Variants in CD2AP observed in about 807,000 individuals in gnomAD.
The protein encoded by CD2AP is CD2 associated protein.
In CD2AP, 46 loss-of-function variants were observed where a neutral mutation model predicts 85.1. That is an observed-to-expected ratio of 0.54 (90% CI 0.43 to 0.69). The LOEUF is 0.69. Among genes scored for constraint, CD2AP ranks in the 30% least tolerant of loss-of-function variants. The probability of loss-of-function intolerance (pLI) is 0.00; values close to 1 mark genes in which losing one functional copy is unlikely to be tolerated. For missense variants in CD2AP, 769 were observed against 729.5 expected, an observed-to-expected ratio of 1.05 and a Z score of -0.62; for synonymous variants, 255 against 252.9, an observed-to-expected ratio of 1.01 and a Z score of -0.08.
chr6:47,532,371 A>G (rs1582523141), intron 2 of CD2AP, among the ~76,000 whole-genome samples: 1 of 134,618 alleles, frequency 7.4e-6, no homozygotes, highest in Admixed American at 7.6e-5. Context: ...ATATATATAT[A>G]TGTATACACA....
intron 17 of CD2AP, among the ~76,000 whole-genome samples, chr6:47,621,748 T>C (rs1769751149): frequency 6.6e-6 from 1 of 152,192 alleles, no homozygotes; most frequent in Admixed American, 6.5e-5. Flanking sequence ...TCAGGATCTC[T>C]AATTCTTCCT....
Position 47,503,315 on chromosome 6 carries a change from C to T in CD2AP, c.40C>T (p.His14Tyr). The T allele has an allele frequency of 6.2e-7, 1 of 1,613,562 alleles. No homozygotes were observed. The highest frequency in any genetic ancestry group is 8.5e-7 in the Non-Finnish European group (1 of 1,179,736). Residue 14 changes from histidine to tyrosine, a missense_variant, in exon 2 of 18, where the codon CAT becomes TAT. By Grantham distance (83) the His-to-Tyr change is moderately conservative (BLOSUM62 2). Transcript: ENST00000359314. ...TGTGGAGTATGACTATGATGCTGTA[C>T]ATGATGATGAATTAACTATTCGAGT... ...YIVEYDYDAVHDDELTIRVGE... is the reference protein window; with the variant it reads ...YIVEYDYDAVYDDELTIRVGE...
intron 5 of CD2AP, among the ~76,000 whole-genome samples, chr6:47,562,113 T>C (rs1399315817): frequency 6.6e-6 from 1 of 152,250 alleles, no homozygotes; most frequent in East Asian, 1.9e-4. Flanking sequence ...AAGTTTTAGT[T>C]ATCTAAACAT....
intron 1 of CD2AP, among the ~76,000 whole-genome samples, chr6:47,492,197 A>G (rs999062517): frequency 6.6e-6 from 1 of 152,138 alleles, no homozygotes; most frequent in Non-Finnish European, 1.5e-5. Flanking sequence ...ACCTTAGACT[A>G]GGTAATTTAT....
chr6:47,583,080 G>C (rs1246266536), intron 11 of CD2AP, among the ~76,000 whole-genome samples: 1 of 152,086 alleles, frequency 6.6e-6, no homozygotes, highest in Non-Finnish European at 1.5e-5. Context: ...TCCGTGCCTG[G>C]GCCAGTATCA....
At chr6:47,500,893 G>A (rs559962976) in intron 1 of CD2AP, among the ~76,000 whole-genome samples, 45 of 152,090 alleles carry the variant, frequency 3.0e-4, no homozygotes, top group Non-Finnish European at 4.4e-4. Flanking sequence ...GACTACAGGC[G>A]CCTGCCACCA....
At chr6:47,497,322 T>TTTCCTTTCCTTTCCC in intron 1 of CD2AP, among the ~76,000 whole-genome samples, 1 of 67,728 alleles carries the variant, frequency 1.5e-5, no homozygotes, top group African/African-American at 3.9e-5. Flanking sequence ...TTTCCTTTCC[T>TTTCCTTTCCTTTCCC]TTCCTTTCCT....
rs1767314449 is a variant in CD2AP at position 47,544,499 on chromosome 6, G to GT, written c.320-102dup. 5 of 776,222 alleles carry GT rather than the reference G, an allele frequency of 6.4e-6. No homozygotes were observed. In the Admixed American group the frequency reaches 8.3e-5, roughly 13 times the overall value. The allele number at this position is 776,222 out of a possible 1,614,324, so 48.1% of individuals were successfully genotyped here. On this transcript the variant is annotated intron_variant, in intron 3 of 17. Coordinates refer to ENST00000359314, the MANE Select transcript of CD2AP (RefSeq NM_012120.3). Reference sequence around the variant, plus strand: ...GCTGTTTAGAATGCTCATACGTTCTGTTTTTATTTATTTATATAAGTCCTG... The same window carrying GT: ...GCTGTTTAGAATGCTCATACGTTCTGTTTTTTATTTATTTATATAAGTCCTG...
chr6:47,561,766 C>T (rs954142483), intron 5 of CD2AP, among the ~76,000 whole-genome samples: 3 of 152,116 alleles, frequency 2.0e-5, no homozygotes, highest in Admixed American at 6.6e-5. Flanking sequence ...ATTGAGTTTG[C>T]TTTACATTTA....
intron 5 of CD2AP, among the ~76,000 whole-genome samples, chr6:47,559,693 C>T (rs941166766): frequency 6.6e-6 from 1 of 151,990 alleles, no homozygotes; most frequent in African/African-American, 2.4e-5. Context: ...CTCATTCCAC[C>T]ATTTTAGACT....
chr6:47,617,662 C>T (rs1022082834), intron 17 of CD2AP, among the ~76,000 whole-genome samples: 2 of 152,084 alleles, frequency 1.3e-5, no homozygotes, highest in African/African-American at 2.4e-5. Context: ...GTCTTTATCC[C>T]CACTGTATCT....
Position 47,503,320 on chromosome 6 carries a change from T to A in CD2AP, c.45T>A (p.Asp15Glu). Residue 15 changes from aspartate (D) to glutamate (E), a missense_variant, in exon 2 of 18, where the codon GAT (aspartate) becomes GAA (glutamate). Transcript: ENST00000359314. The stretch of plus-strand genomic sequence containing the variant: ...AGTATGACTATGATGCTGTACATGA[T>A]GATGAATTAACTATTCGAGTTGGAG... ...IVEYDYDAVHDDELTIRVGEI... is the reference protein window; with the variant it reads ...IVEYDYDAVHEDELTIRVGEI... The A allele has an allele frequency of 6.2e-7, 1 of 1,613,886 alleles. No individual in the cohort carries two copies. The highest frequency in any genetic ancestry group is 8.5e-7 in the Non-Finnish European group (1 of 1,179,862).
At chr6:47,551,804 C>T (rs1767533592) in intron 4 of CD2AP, among the ~76,000 whole-genome samples, 1 of 152,136 alleles carries the variant, frequency 6.6e-6, no homozygotes, top group Middle Eastern at 3.2e-3. Context: ...TGCCTAGAAA[C>T]CTTGAAGACT....
intron 11 of CD2AP, among the ~76,000 whole-genome samples, chr6:47,583,845 C>A (rs998412310): frequency 1.3e-5 from 2 of 152,218 alleles, no homozygotes; most frequent in Non-Finnish European, 2.9e-5. Context: ...TGCCAAACTT[C>A]TTCCAATGTG....
intron 11 of CD2AP, among the ~76,000 whole-genome samples, chr6:47,584,444 A>T (rs9369716): frequency 0.23 from 33,698 of 148,156 alleles, 4,003 homozygotes; most frequent in Non-Finnish European, 0.27. Flanking sequence ...TGGCATGTGA[A>T]TGTCTAGTTG....
chr6:47,525,811 C>T (rs1315569489), intron 2 of CD2AP, among the ~76,000 whole-genome samples: 1 of 152,112 alleles, frequency 6.6e-6, no homozygotes, highest in Non-Finnish European at 1.5e-5. Flanking sequence ...ACATTCTTAT[C>T]TATATGGAGA....
At chr6:47,610,830 A>G (rs1769408455) in intron 16 of CD2AP, among the ~76,000 whole-genome samples, 1 of 151,154 alleles carries the variant, frequency 6.6e-6, no homozygotes, top group East Asian at 1.9e-4. Context: ...TACCAGTTAG[A>G]GAATTCTCCT....
intron 4 of CD2AP, among the ~76,000 whole-genome samples, chr6:47,553,433 G>A (rs945136181): frequency 2.0e-5 from 3 of 148,736 alleles, no homozygotes; most frequent in Admixed American, 1.3e-4. Flanking sequence ...TGCAACCTCC[G>A]CTTCCCAGGT....
chr6:47,604,574 G>A (rs745847571), intron 13 of CD2AP, among the ~76,000 whole-genome samples: 9 of 151,944 alleles, frequency 5.9e-5, no homozygotes, highest in Non-Finnish European at 7.4e-5. Context: ...ACTTGTTAAG[G>A]TTTTTTCTTT....
Sources: allele counts gnomAD v4.1 joint callset (sites outside exome capture counted in the v4.1 genomes callset), GRCh38; gene constraint gnomAD v4.1.1; transcripts MANE v1.5; gene names NCBI Gene and HGNC (gene_info 2026-07-23, HGNC 2026-07-21).